Variants in ATP13A5 observed in about 807,000 individuals in gnomAD.
The protein encoded by ATP13A5 is probable cation-transporting ATPase 13A5.
ATP13A5 carries 149 observed loss-of-function variants against 150.2 expected under a neutral mutation model. The observed-to-expected ratio is 0.99, with a 90% CI of 0.87 to 1.14. ATP13A5 has a LOEUF of 1.14. Among genes scored for constraint, ATP13A5 ranks in the 50% most tolerant of loss-of-function variants. ATP13A5 has a pLI of 0.00. For missense variants in ATP13A5, 1,383 were observed against 1,449.3 expected, an observed-to-expected ratio of 0.95 and a Z score of 0.74; for synonymous variants, 497 against 522.2, an observed-to-expected ratio of 0.95 and a Z score of 0.66.
rs1303871407 is a variant in ATP13A5, at chr3:193,319,016, G to T, written c.2008C>A (p.Leu670Ile). ...LAHKTLKMGN[L>I]SEVEHLAREK... ...CTGGCTAAGTGCTCGACTTCTGAAA[G>T]ATTCCCCATCTTTAAGGTTTTGTGG... Residue 670 changes from leucine to isoleucine, a missense_variant, in exon 17 of 30, where the codon CTT becomes ATT. Leu to Ile is a conservative substitution (Grantham distance 5). Transcript: ENST00000342358. The T allele has an allele frequency of 6.2e-7, 1 of 1,613,742 alleles. No homozygotes were observed. Among genetic ancestry groups the T allele is most frequent in the Non-Finnish European group, 8.5e-7 (1 of 1,179,790 alleles).
intron 5 of ATP13A5, among the ~76,000 whole-genome samples, chr3:193,358,235 T>C (rs1484829298): frequency 2.0e-5 from 3 of 152,222 alleles, no homozygotes; most frequent in Non-Finnish European, 1.5e-5. Flanking sequence ...CATAACCCAC[T>C]TCCAGGAACT....
At chr3:193,363,986 A>T (rs1713139331) in intron 2 of ATP13A5, 121 bp downstream of exon 2, 1 of 1,112,854 alleles carries the variant, frequency 9.0e-7, no homozygotes, top group African/African-American at 1.6e-5. Context: ...GATCTATGGA[A>T]ACTCTTTAAA....
At chr3:193,290,217 C>T (rs1178380981) in intron 25 of ATP13A5, among the ~76,000 whole-genome samples, 158 bp from the exon 26 acceptor site, 1 of 152,110 alleles carries the variant, frequency 6.6e-6, no homozygotes, top group Non-Finnish European at 1.5e-5. Flanking sequence ...CCTGGTGGCA[C>T]ATCCAGTTCC....
chr3:193,325,286 T>C (rs150302549), intron 13 of ATP13A5, among the ~76,000 whole-genome samples: 126 of 152,356 alleles, frequency 8.3e-4, no homozygotes, highest in African/African-American at 2.5e-3. Flanking sequence ...GCTATTGCTA[T>C]GCTTGTCCAG....
At chr3:193,304,229 AC>A in intron 23 of ATP13A5, among the ~76,000 whole-genome samples, 1 of 152,256 alleles carries the variant, frequency 6.6e-6, no homozygotes, top group Non-Finnish European at 1.5e-5. Context: ...TCAATGGCAG[AC>A]TCCAAGGAGT....
intron 17 of ATP13A5, among the ~76,000 whole-genome samples, chr3:193,316,700 T>C (rs1315699842): frequency 6.6e-6 from 1 of 152,210 alleles, no homozygotes; most frequent in Non-Finnish European, 1.5e-5. Context: ...TTGTGTCCTC[T>C]GTACATTTTG....
chr3:193,275,387 C>T (rs1390262403), intron 29 of ATP13A5, 85 bp from the exon 30 acceptor site: 7 of 1,481,644 alleles, frequency 4.7e-6, no homozygotes, highest in Middle Eastern at 1.8e-4. Flanking sequence ...CACCTCCTTT[C>T]CCCAGGCCTT....
chr3:193,363,257 G>C lies in ATP13A5; in HGVS notation c.363C>G (p.Ala121=), dbSNP rs1320545001. ...TTACTTTTAATTCTGGCTTTATTAA[G>C]GCTTGGTTTATGACAGAGTGGCGGT... ...VADRHSVINQ[A]LIKPELKLRC... The change falls in exon 3 of 30, where the codon GCC becomes GCG. Residue 121 remains alanine, a synonymous_variant. Transcript: ENST00000342358. 5 of 1,613,574 alleles carry C rather than the reference G, an allele frequency of 3.1e-6. No individual in the cohort carries two copies. Among genetic ancestry groups the C allele is most frequent in the Non-Finnish European group, 3.4e-6 (4 of 1,179,684 alleles).
intron 21 of ATP13A5, among the ~76,000 whole-genome samples, chr3:193,308,284 C>A (rs1377331930): frequency 6.6e-6 from 1 of 152,004 alleles, no homozygotes; most frequent in East Asian, 1.9e-4. Context: ...ACAGTGAAAC[C>A]CCATCTCTAC....
At chr3:193,358,811 A>C (rs373650489) in intron 5 of ATP13A5, among the ~76,000 whole-genome samples, 7 of 152,266 alleles carry the variant, frequency 4.6e-5, no homozygotes, top group African/African-American at 1.7e-4. Flanking sequence ...GGGATGCAGA[A>C]GGGAATGGAC....
At chr3:193,311,682 G>T in intron 20 of ATP13A5, 134 bp downstream of exon 20, 2 of 1,268,706 alleles carry the variant, frequency 1.6e-6, no homozygotes, top group Non-Finnish European at 2.1e-6. Context: ...TTTTTCAGGA[G>T]CAGTACTCCT....
At chr3:193,320,298 G>A (rs1387263436) in intron 16 of ATP13A5, among the ~76,000 whole-genome samples, 2 of 152,256 alleles carry the variant, frequency 1.3e-5, no homozygotes, top group Admixed American at 6.5e-5. Flanking sequence ...AAATATTCCT[G>A]GAGGTGGGAA....
At chr3:193,281,165 C>G in intron 27 of ATP13A5, 9 of 984,954 alleles carry the variant, frequency 9.1e-6, no homozygotes, top group Non-Finnish European at 1.1e-5. Context: ...CAGGAAATAG[C>G]TGTGTGGATT....
At chr3:193,332,793 A>C (rs1055817966) in intron 11 of ATP13A5, among the ~76,000 whole-genome samples, 1 of 152,142 alleles carries the variant, frequency 6.6e-6, no homozygotes, top group Non-Finnish European at 1.5e-5. Flanking sequence ...TGGGATTATT[A>C]GTCTTGTTGC....
intron 1 of ATP13A5, among the ~76,000 whole-genome samples, chr3:193,371,920 G>C (rs948652705): frequency 6.6e-6 from 1 of 151,968 alleles, no homozygotes; most frequent in Non-Finnish European, 1.5e-5. Context: ...CATATTTACA[G>C]GTTCTGCCCA....
intron 22 of ATP13A5, among the ~76,000 whole-genome samples, chr3:193,306,391 G>T (rs773576940): frequency 6.6e-6 from 1 of 151,798 alleles, no homozygotes; most frequent in Admixed American, 6.6e-5. Flanking sequence ...TATTCTAAAC[G>T]CCACATAATT....
intron 25 of ATP13A5, among the ~76,000 whole-genome samples, chr3:193,293,555 T>C (rs532533931): frequency 6.6e-6 from 1 of 152,106 alleles, no homozygotes; most frequent in Non-Finnish European, 1.5e-5. Context: ...ACAGGATCTA[T>C]TGCATGGGAA....
rs1712688051 is a variant in ATP13A5, at chr3:193,354,214, T to C, written c.537-18A>G. On this transcript the variant is annotated intron_variant, in intron 5 of 29. Coordinates refer to ENST00000342358, the MANE Select transcript of ATP13A5 (RefSeq NM_198505.4). ...CTAATCTTCTGCGGGAAATTGATCA[T>C]CCATTAGTGTCATAGCTACAAGCAC... 1 of 1,604,792 alleles carries C rather than the reference T, an allele frequency of 6.2e-7. No individual in the cohort carries two copies. Among genetic ancestry groups the C allele is most frequent in the Non-Finnish European group, 8.5e-7 (1 of 1,176,744 alleles).
intron 28 of ATP13A5, among the ~76,000 whole-genome samples, chr3:193,277,063 C>T (rs1235176828): frequency 6.6e-6 from 1 of 152,156 alleles, no homozygotes; most frequent in African/African-American, 2.4e-5. Flanking sequence ...TTGACAGCCT[C>T]ATGGTGCCTA....
Sources: gnomAD v4.1 joint callset for allele counts (sites outside exome capture counted in the v4.1 genomes callset) on GRCh38, gnomAD v4.1.1 for gene constraint, MANE v1.5 for transcripts, NCBI Gene and HGNC (gene_info 2026-07-23, HGNC 2026-07-21) for gene names.